Variants in SLC4A4 observed in about 807,000 individuals in gnomAD.
SLC4A4 encodes the protein electrogenic sodium bicarbonate cotransporter 1.
In SLC4A4, 27 loss-of-function variants were observed where a neutral mutation model predicts 111.5. That is an observed-to-expected ratio of 0.24 (90% CI 0.18 to 0.33). The LOEUF (loss-of-function observed/expected upper bound fraction) is 0.33, where lower values mean the gene tolerates loss of function less well. SLC4A4 is among the 10% of genes least tolerant of loss of function. The pLI is 1.00. For missense variants in SLC4A4, 909 were observed against 1,315.5 expected (o/e 0.69, Z 4.78); for synonymous variants, 443 against 463.4 (o/e 0.96, Z 0.57).
At chr4:71,226,645 T>A (rs1399842108) in intron 1 of SLC4A4, among the ~76,000 whole-genome samples, 1 of 152,166 alleles carries the variant, frequency 6.6e-6, no homozygotes, top group Non-Finnish European at 1.5e-5. Context: ...CCCCCCTTTC[T>A]TTGGAACAAA....
chr4:71,126,960 C>G (rs1597873), intron 2 of SLC4A4, among the ~76,000 whole-genome samples: 150,110 of 152,328 alleles, frequency 0.99, 74,008 homozygotes, highest in East Asian at 1. Flanking sequence ...TTCCTGGAAG[C>G]CATCCTCTAC....
At chr4:71,123,788 C>G (rs374826985) in intron 2 of SLC4A4, among the ~76,000 whole-genome samples, 1 of 152,148 alleles carries the variant, frequency 6.6e-6, no homozygotes, top group Non-Finnish European at 1.5e-5. Flanking sequence ...CCAAATCATT[C>G]TATACATCTA....
intron 16 of SLC4A4, among the ~76,000 whole-genome samples, chr4:71,526,246 AT>A (rs1733408896): frequency 6.6e-6 from 1 of 152,132 alleles, no homozygotes; most frequent in South Asian, 2.1e-4. Context: ...TGGATTCAAG[AT>A]CTCAGAAATG....
chr4:71,103,904 C>A (rs1308251061), intron 2 of SLC4A4, among the ~76,000 whole-genome samples: 5,368 of 121,116 alleles, frequency 0.044, 215 homozygotes, highest in African/African-American at 0.1. Context: ...TAGCAGAAGG[C>A]AAGAAATAAC....
chr4:71,454,148 T>G (rs1577943978), intron 12 of SLC4A4, among the ~76,000 whole-genome samples: 1 of 152,336 alleles, frequency 6.6e-6, no homozygotes, highest in East Asian at 1.9e-4. Flanking sequence ...TTGGTTTTAA[T>G]GAATATAAGC....
Position 71,287,346 on chromosome 4 carries a change from G to A in SLC4A4, c.253+31947G>A, listed in dbSNP as rs528926818. Among the ~76,000 whole-genome samples, 12 of 152,276 alleles carry A rather than the reference G, an allele frequency of 7.9e-5. No individual in the cohort carries two copies. The South Asian group carries it at 2.1e-3, about 26-fold the overall frequency. ...ACTTGATAAAAATAGGATTTCACAC[G>A]CTTCAGAAGTACAAAGAGTGGGAAA... On this transcript the variant is annotated intron_variant, in intron 3 of 25. Transcript: ENST00000264485.
intron 16 of SLC4A4, among the ~76,000 whole-genome samples, chr4:71,518,568 G>C (rs2149188122): frequency 6.6e-6 from 1 of 152,282 alleles, no homozygotes; most frequent in South Asian, 2.1e-4. Context: ...TGTGATGCTG[G>C]ACAGGCCTGG....
intron 2 of SLC4A4, among the ~76,000 whole-genome samples, chr4:71,113,378 G>A (rs1743148896): frequency 6.6e-6 from 1 of 152,174 alleles, no homozygotes; most frequent in African/African-American, 2.4e-5. Context: ...TTAGCAGAGT[G>A]GATTCCCCAG....
intron 6 of SLC4A4, among the ~76,000 whole-genome samples, chr4:71,357,782 A>G (rs1730418921): frequency 6.6e-6 from 1 of 151,476 alleles, no homozygotes; most frequent in Non-Finnish European, 1.5e-5. Context: ...TTATTTAACA[A>G]TAAGTAAGGC....
At chr4:71,519,744 C>T (rs1430650050) in intron 16 of SLC4A4, among the ~76,000 whole-genome samples, 1 of 152,170 alleles carries the variant, frequency 6.6e-6, no homozygotes, top group Non-Finnish European at 1.5e-5. Context: ...AAGCAATTCT[C>T]CTGCATCAGT....
upstream of SLC4A4, among the ~76,000 whole-genome samples, chr4:71,183,873 C>T (rs1474941031): frequency 6.6e-6 from 1 of 152,170 alleles, no homozygotes; most frequent in Non-Finnish European, 1.5e-5. Flanking sequence ...TTTATAGTAA[C>T]AAGCTATAAT....
chr4:71,374,879 C>G (rs1272053815), intron 6 of SLC4A4, among the ~76,000 whole-genome samples: 1 of 151,926 alleles, frequency 6.6e-6, no homozygotes, highest in Non-Finnish European at 1.5e-5. Context: ...TATAATCAGA[C>G]TCTCCTGCTC....
At chr4:71,141,087 C>A (rs1743980818) in intron 2 of SLC4A4, among the ~76,000 whole-genome samples, 1 of 152,122 alleles carries the variant, frequency 6.6e-6, no homozygotes, top group Admixed American at 6.5e-5. Context: ...TCATACTGAG[C>A]AATAGAACTC....
intron 3 of SLC4A4, among the ~76,000 whole-genome samples, chr4:71,304,223 G>T (rs1725505119): frequency 2.0e-5 from 3 of 152,184 alleles, no homozygotes; most frequent in South Asian, 2.1e-4. Flanking sequence ...ATTGGCTGTT[G>T]TAATTATGGA....
At chr4:71,319,978 T>C (rs1012666436) in intron 3 of SLC4A4, among the ~76,000 whole-genome samples, 3 of 151,974 alleles carry the variant, frequency 2.0e-5, no homozygotes, top group Non-Finnish European at 4.4e-5. Flanking sequence ...ATTTGCAGAA[T>C]CCCATCTTTT....
intron 18 of SLC4A4, among the ~76,000 whole-genome samples, chr4:71,543,358 T>C (rs1735234421): frequency 6.6e-6 from 1 of 152,120 alleles, no homozygotes; most frequent in South Asian, 2.1e-4. Flanking sequence ...TGATTTTCCC[T>C]TCCCCTTAAG....
intron 22 of SLC4A4, among the ~76,000 whole-genome samples, chr4:71,559,688 A>C (rs1199737825): frequency 6.6e-6 from 1 of 151,794 alleles, no homozygotes; most frequent in Non-Finnish European, 1.5e-5. Context: ...GATTTTCTTG[A>C]TTGCTAAAAA....
intron 3 of SLC4A4, among the ~76,000 whole-genome samples, chr4:71,324,889 T>C (rs1471168523): frequency 4.6e-5 from 7 of 152,124 alleles, no homozygotes; most frequent in African/African-American, 1.4e-4. Flanking sequence ...TAAGGTAGTT[T>C]GATAATATTA....
intron 20 of SLC4A4, among the ~76,000 whole-genome samples, chr4:71,553,641 A>G (rs1270557499): frequency 6.6e-6 from 1 of 150,572 alleles, no homozygotes; most frequent in Non-Finnish European, 1.5e-5. Flanking sequence ...AATATGGGAG[A>G]TGTTTAAAAA....
Sources: gnomAD v4.1 joint callset for allele counts (sites outside exome capture counted in the v4.1 genomes callset) on GRCh38, gnomAD v4.1.1 for gene constraint, MANE v1.5 for transcripts, NCBI Gene and HGNC (gene_info 2026-07-23, HGNC 2026-07-21) for gene names.